CACNA2D1: variants seen among roughly 807,000 people sequenced by gnomAD.
CACNA2D1 encodes calcium voltage-gated channel auxiliary subunit alpha2delta 1.
Under a neutral mutation model 171.5 loss-of-function variants are expected in CACNA2D1, and 53 were observed. The observed-to-expected ratio is 0.31, with a 90% CI of 0.25 to 0.39. The LOEUF is 0.39. CACNA2D1 is among the 10% of genes least tolerant of loss of function. The pLI is 1.00. For synonymous variants in CACNA2D1, 442 were observed against 443.1 expected, an observed-to-expected ratio of 1.00 and a Z score of 0.03; for missense variants, 903 against 1,299.8, an observed-to-expected ratio of 0.69 and a Z score of 4.69.
At chr7:82,003,276 T>C (rs996446861) in intron 18 of CACNA2D1, among the ~76,000 whole-genome samples, 2 of 152,086 alleles carry the variant, frequency 1.3e-5, no homozygotes, top group Non-Finnish European at 2.9e-5. Context: ...GGAAATGTCT[T>C]TCTGTTACAT....
At chr7:82,109,448 C>T (rs919559102) in intron 6 of CACNA2D1, among the ~76,000 whole-genome samples, 1 of 152,020 alleles carries the variant, frequency 6.6e-6, no homozygotes, top group Non-Finnish European at 1.5e-5. Flanking sequence ...AAATTTGTCA[C>T]GGTGAGGATA....
intron 3 of CACNA2D1, among the ~76,000 whole-genome samples, chr7:82,233,954 T>G (rs780644117): frequency 2.5e-4 from 38 of 152,214 alleles, no homozygotes; most frequent in Non-Finnish European, 5.2e-4. Flanking sequence ...AAACTCAACA[T>G]CTTTTTGATA....
At chr7:82,153,404 C>A (rs10254835) in intron 4 of CACNA2D1, among the ~76,000 whole-genome samples, 91,569 of 151,628 alleles carry the variant, frequency 0.6, 28,261 homozygotes, top group East Asian at 0.75. Context: ...TTTTTTAGAT[C>A]TTATTTCTAA....
At chr7:82,014,324 T>C in intron 13 of CACNA2D1, 77 bp downstream of exon 13, 1 of 786,076 alleles carries the variant, frequency 1.3e-6, no homozygotes. Flanking sequence ...TTTTAGCTTA[T>C]TTTAAATAAG....
chr7:82,173,379 A>G (rs1796244611), intron 3 of CACNA2D1, among the ~76,000 whole-genome samples: 1 of 152,090 alleles, frequency 6.6e-6, no homozygotes, highest in Admixed American at 6.6e-5. Flanking sequence ...CAAAGAAGTT[A>G]TGTATTTTAA....
At chr7:82,150,692 C>T (rs780725518) in intron 4 of CACNA2D1, among the ~76,000 whole-genome samples, 3 of 152,090 alleles carry the variant, frequency 2.0e-5, no homozygotes, top group Non-Finnish European at 4.4e-5. Context: ...TGCTACAGAT[C>T]AATTGCTGCT....
chr7:82,066,880 A>G (rs1352695239), intron 7 of CACNA2D1, among the ~76,000 whole-genome samples: 1 of 152,060 alleles, frequency 6.6e-6, no homozygotes, highest in African/African-American at 2.4e-5. Context: ...TGTGCTTTCA[A>G]TTATTTCCTC....
At chr7:82,236,517 G>A (rs1803606650) in intron 3 of CACNA2D1, among the ~76,000 whole-genome samples, 1 of 152,046 alleles carries the variant, frequency 6.6e-6, no homozygotes, top group African/African-American at 2.4e-5. Flanking sequence ...CACATTCCCT[G>A]TGATAGTGCT....
intron 38 of CACNA2D1, among the ~76,000 whole-genome samples, chr7:81,951,967 G>GTGTTTTTTTTTTGTTTGTT (rs1792578741): frequency 1.5e-4 from 4 of 27,530 alleles, no homozygotes; most frequent in African/African-American, 4.8e-4. Flanking sequence ...AGTGTACAAA[G>GTGTTTTTTTTTTGTTTGTT]TGTTTTTTTT....
intron 5 of CACNA2D1, among the ~76,000 whole-genome samples, chr7:82,127,548 G>A (rs186092136): frequency 6.6e-6 from 1 of 152,226 alleles, no homozygotes; most frequent in Non-Finnish European, 1.5e-5. Flanking sequence ...TAGTAGAGAA[G>A]ATCAAACCCT....
At chr7:82,088,097 TG>T (rs1810701686) in intron 6 of CACNA2D1, among the ~76,000 whole-genome samples, 1 of 152,150 alleles carries the variant, frequency 6.6e-6, no homozygotes, top group Non-Finnish European at 1.5e-5. Flanking sequence ...TGTTTTGTTT[TG>T]TTTTTTTGTT....
In CACNA2D1 at chr7:81,947,823, CTAA is replaced by C. The variant is rs1792159284; in HGVS notation, c.*2566_*2568del. 1 of 151,800 alleles carries C rather than the reference CTAA, an allele frequency of 6.6e-6. No individual in the cohort carries two copies. The highest frequency in any genetic ancestry group is 6.6e-5 in the Admixed American group (1 of 15,218). 9.4% of individuals were successfully genotyped at this position (151,800 alleles called of 1,614,324 possible). A position where few individuals can be genotyped will look rare whatever the true frequency, so the allele number is the denominator to read the frequency against. ...AAAAAATATGCTAAAAGCATGAAGA[CTAA>C]TATTAGTCATGGGAACAACTTTTAT... On this transcript the variant is annotated 3_prime_UTR_variant, in exon 39 of 39. Coordinates refer to ENST00000356860, the MANE Select transcript of CACNA2D1 (RefSeq NM_000722.4).
intron 6 of CACNA2D1, among the ~76,000 whole-genome samples, chr7:82,101,929 T>C (rs1355104270): frequency 1.3e-5 from 2 of 152,192 alleles, no homozygotes; most frequent in African/African-American, 4.8e-5. Context: ...AGATTTTGAA[T>C]TTTATATAAT....
At chr7:82,283,653 C>T (rs1810396705) in intron 3 of CACNA2D1, among the ~76,000 whole-genome samples, 1 of 148,902 alleles carries the variant, frequency 6.7e-6, no homozygotes, top group South Asian at 2.2e-4. Flanking sequence ...TACTAACAAT[C>T]ACCATAAAGA....
chr7:82,385,326 C>T (rs2129449864), intron 1 of CACNA2D1, among the ~76,000 whole-genome samples: 1 of 152,300 alleles, frequency 6.6e-6, no homozygotes, highest in Middle Eastern at 3.4e-3. Flanking sequence ...GAGAAAAAGA[C>T]TTTCTCATAC....
chr7:82,307,156 T>C (rs1481420959), intron 3 of CACNA2D1, among the ~76,000 whole-genome samples: 2 of 152,136 alleles, frequency 1.3e-5, no homozygotes, highest in South Asian at 2.1e-4. Context: ...AAGAATTATA[T>C]AATTCTTTTT....
chr7:82,181,995 A>T (rs1797184066), intron 3 of CACNA2D1, among the ~76,000 whole-genome samples: 1 of 152,170 alleles, frequency 6.6e-6, no homozygotes, highest in Admixed American at 6.5e-5. Context: ...CATTAACAAA[A>T]TTTCATTTTG....
chr7:82,409,445 C>A (rs1174537521), intron 1 of CACNA2D1, among the ~76,000 whole-genome samples: 1 of 152,126 alleles, frequency 6.6e-6, no homozygotes, highest in East Asian at 1.9e-4. Flanking sequence ...TGGTACCCAA[C>A]ATGATGCAAG....
intron 1 of CACNA2D1, among the ~76,000 whole-genome samples, chr7:82,365,008 T>C (rs1821522797): frequency 6.6e-6 from 1 of 152,132 alleles, no homozygotes; most frequent in Non-Finnish European, 1.5e-5. Flanking sequence ...CACAGCCACC[T>C]GGCACTAGAT....
Sources: allele counts gnomAD v4.1 joint callset (sites outside exome capture counted in the v4.1 genomes callset), GRCh38; gene constraint gnomAD v4.1.1; transcripts MANE v1.5; gene names NCBI Gene and HGNC (gene_info 2026-07-23, HGNC 2026-07-21).